Variants in KLK6 observed in about 807,000 individuals in gnomAD.
KLK6 encodes the protein kallikrein-6.
A neutral mutation model predicts 21.7 loss-of-function variants in KLK6; 16 were observed. The observed-to-expected ratio is 0.74, with a 90% CI of 0.50 to 1.12. The LOEUF is 1.12. Among genes scored for constraint, KLK6 ranks in the 50% most tolerant of loss-of-function variants. KLK6 has a pLI of 0.00. For missense variants in KLK6, 276 were observed against 304.6 expected, an observed-to-expected ratio of 0.91 and a Z score of 0.70; for synonymous variants, 116 against 120.1, an observed-to-expected ratio of 0.97 and a Z score of 0.22.
At chr19:50,969,381 A>G (rs1296275256) in intron 1 of KLK6, 109 bp downstream of exon 1, 1 of 152,240 alleles carries the variant, frequency 6.6e-6, no homozygotes, top group East Asian at 1.9e-4. Flanking sequence ...CACCCCCAGC[A>G]CTCTCTGTGC....
At chr19:50,966,213 C>G (rs557053649) in intron 4 of KLK6, among the ~76,000 whole-genome samples, 2 of 152,162 alleles carry the variant, frequency 1.3e-5, no homozygotes, top group Non-Finnish European at 2.9e-5. Context: ...TTCTCTTTCC[C>G]TCTCCCACAA....
intron 4 of KLK6, among the ~76,000 whole-genome samples, chr19:50,966,269 C>T (rs1399950743): frequency 1.3e-5 from 2 of 152,186 alleles, no homozygotes; most frequent in East Asian, 3.9e-4. Flanking sequence ...AGGACAAATA[C>T]ACGGAAGCCA....
At chr19:50,967,966 C>T (rs1265667444) in intron 3 of KLK6, 99 bp downstream of exon 3, 21 of 1,104,680 alleles carry the variant, frequency 1.9e-5, no homozygotes, top group Non-Finnish European at 2.5e-5. Context: ...TCCCCCACCC[C>T]AACCCTGTGC....
At chr19:50,964,718 A>T (rs948717051) in intron 4 of KLK6, among the ~76,000 whole-genome samples, 7 of 152,204 alleles carry the variant, frequency 4.6e-5, no homozygotes, top group African/African-American at 1.7e-4. Context: ...TATTCCTGAA[A>T]CAGAGAGTCA....
intron 3 of KLK6, 87 bp downstream of exon 3, chr19:50,967,978 T>G: frequency 1.0e-6 from 1 of 955,022 alleles, no homozygotes; most frequent in Non-Finnish European, 1.6e-6. Context: ...ACCCTGTGCA[T>G]ATCCCCATCC....
In KLK6 at chr19:50,958,984, G is replaced by C. The variant is rs560544207; in HGVS notation, c.*180C>G. ...GTCCTCACTCATCACGTCCTCCCCA[G>C]TGATGCAAGGATGGAGCTGGGGTAA... On this transcript the variant is annotated 3_prime_UTR_variant, in exon 7 of 7. Coordinates refer to ENST00000310157, the MANE Select transcript of KLK6 (RefSeq NM_002774.4). 1 of 665,202 alleles carries C rather than the reference G, an allele frequency of 1.5e-6. No homozygotes were observed. The highest frequency in any genetic ancestry group is 2.7e-5 in the East Asian group (1 of 37,606). 41.2% of individuals were successfully genotyped at this position (665,202 alleles called of 1,614,324 possible).
chr19:50,967,910 T>G (rs2090952945), intron 3 of KLK6, among the ~76,000 whole-genome samples, 155 bp downstream of exon 3: 1 of 146,260 alleles, frequency 6.8e-6, no homozygotes, highest in Admixed American at 6.8e-5. Context: ...CCTATCTGTA[T>G]TCCCCACCCT....
chr19:50,962,684 TCC>T (rs2090862339), intron 5 of KLK6: 1 of 153,386 alleles, frequency 6.5e-6, no homozygotes, highest in South Asian at 2.0e-4. Flanking sequence ...TGCCGCATCC[TCC>T]CCCATTGTCT....
intron 4 of KLK6, among the ~76,000 whole-genome samples, chr19:50,965,115 A>G (rs1260826970): frequency 6.6e-6 from 1 of 151,924 alleles, no homozygotes; most frequent in Non-Finnish European, 1.5e-5. Flanking sequence ...TGTTTTTTTG[A>G]GACAGGGTCT....
intron 6 of KLK6, among the ~76,000 whole-genome samples, chr19:50,960,008 AGAGGAGAAG>A (rs2090805114): frequency 2.4e-5 from 1 of 41,016 alleles, no homozygotes; most frequent in African/African-American, 2.4e-4. Flanking sequence ...AGGAGAAGGA[AGAGGAGAAG>A]GAGGAGGAGG....
Position 50,968,600 on chromosome 19 carries a change from C to CAGAAAGAGGCAGAAAGAGACA in KLK6, c.-59-10_-59-9insTGTCTCTTTCTGCCTCTTTCT, listed in dbSNP as rs1315348672. On this transcript the variant is annotated splice_polypyrimidine_tract_variant and intron_variant, in intron 1 of 6. Coordinates refer to ENST00000310157, the MANE Select transcript of KLK6 (RefSeq NM_002774.4). ...GTCGGGGGAAGGAACAGCTTTGAGA[C>CAGAAAGAGGCAGAAAGAGACA]GAGGAGGCAGAAAGAGTTAGAAATG... The CAGAAAGAGGCAGAAAGAGACA allele has an allele frequency of 1.2e-5, 2 of 170,942 alleles. No homozygotes were observed. The highest frequency in any genetic ancestry group is 4.9e-5 in the African/African-American group (2 of 41,220). The allele number at this position is 170,942 out of a possible 1,614,324, so 10.6% of individuals were successfully genotyped here. A position where few individuals can be genotyped will look rare whatever the true frequency, so the allele number is the denominator to read the frequency against.
chr19:50,960,730 C>G (rs975396039), intron 6 of KLK6, among the ~76,000 whole-genome samples: 1 of 152,042 alleles, frequency 6.6e-6, no homozygotes, highest in Non-Finnish European at 1.5e-5. Flanking sequence ...GTAGCTGGGA[C>G]TACAGGTGTG....
intron 6 of KLK6, among the ~76,000 whole-genome samples, chr19:50,959,999 G>T (rs1399369662): frequency 9.0e-6 from 1 of 110,834 alleles, no homozygotes; most frequent in Non-Finnish European, 1.9e-5. Context: ...AGGAGGAAGA[G>T]GAGAAGGAAG....
chr19:50,967,169 G>A lies in KLK6; in HGVS notation c.197C>T (p.Pro66Leu), dbSNP rs1036753361. ...WVLTAAHCKKPNLQVFLGKHN... is the reference protein window; with the variant it reads ...WVLTAAHCKKLNLQVFLGKHN... The stretch of plus-strand genomic sequence containing the variant: ...CTGTTCATTTACAGTGTAGACTCAC[G>A]GTTTTTTGCAGTGGGCAGCTGTGAG... The change falls in exon 4 of 7, where the codon CCG becomes CTG. Residue 66 changes from proline (P) to leucine (L), a missense_variant and splice_region_variant. Physicochemically the swap from Pro to Leu is moderately conservative, Grantham distance 98 (BLOSUM62 -3). Coordinates refer to ENST00000310157, the MANE Select transcript of KLK6 (RefSeq NM_002774.4). 3.1e-6 allele frequency: 5 copies of A among 1,613,764 alleles called. No individual in the cohort carries two copies. Among genetic ancestry groups the A allele is most frequent in the Non-Finnish European group, 4.2e-6 (5 of 1,179,970 alleles).
intron 3 of KLK6, 92 bp downstream of exon 3, chr19:50,967,973 G>T: frequency 9.1e-7 from 1 of 1,102,516 alleles, no homozygotes; most frequent in Non-Finnish European, 1.4e-6. Context: ...CCCCAACCCT[G>T]TGCATATCCC....
intron 6 of KLK6, 32 bp downstream of exon 6, chr19:50,961,712 G>C (rs1456370046): frequency 6.2e-7 from 1 of 1,607,152 alleles, no homozygotes; most frequent in Non-Finnish European, 8.5e-7. Context: ...CCTGTCCCTG[G>C]CTGTGTAAGT....
Position 50,963,345 on chromosome 19 carries a change from G to A in KLK6, c.402C>T (p.Asn134=). The A allele has an allele frequency of 4.3e-6, 7 of 1,614,152 alleles. No homozygotes were observed. Among genetic ancestry groups the A allele is most frequent in the Admixed American group, 1.7e-5 (1 of 60,022 alleles). ...PLPLERDCSA[N]TTSCHILGWG... ...AGCCCAGGATGTGGCAGCTGGTGGT[G>A]TTGGCTGAGCAGTCCCTCTCCAGGG... Residue 134 remains asparagine, a synonymous_variant, in exon 5 of 7, where the codon AAC becomes AAT. Transcript: ENST00000310157.
Position 50,967,286 on chromosome 19 carries a change from G to T in KLK6, c.80C>A (p.Pro27His), listed in dbSNP as rs201586262. 109 of 1,613,618 alleles carry T rather than the reference G, an allele frequency of 6.8e-5. No homozygotes were observed. The East Asian group carries it at 2.3e-3, about 35-fold the overall frequency. ...GTAGGGGTGAGATGTCTTGTCGCAGGGTCCGCCATGCACCAACTTATTCTG... is the reference window on the plus strand; with the variant it reads ...GTAGGGGTGAGATGTCTTGTCGCAGTGTCCGCCATGCACCAACTTATTCTG... Reference protein sequence around the residue: ...EEQNKLVHGGPCDKTSHPYQA... With the variant: ...EEQNKLVHGGHCDKTSHPYQA... The change falls in exon 4 of 7, where the codon CCC becomes CAC. Residue 27 changes from proline to histidine, a missense_variant. By Grantham distance (77) the Pro-to-His change is moderately conservative (BLOSUM62 -2). Coordinates refer to ENST00000310157, the MANE Select transcript of KLK6 (RefSeq NM_002774.4).
At chr19:50,964,452 C>T (rs1198517288) in intron 4 of KLK6, among the ~76,000 whole-genome samples, 1 of 152,170 alleles carries the variant, frequency 6.6e-6, no homozygotes, top group Non-Finnish European at 1.5e-5. Context: ...CTAAATGCTA[C>T]GATGCCATGA....
Sources: gnomAD v4.1 joint callset for allele counts (sites outside exome capture counted in the v4.1 genomes callset) on GRCh38, gnomAD v4.1.1 for gene constraint, MANE v1.5 for transcripts, NCBI Gene and HGNC (gene_info 2026-07-23, HGNC 2026-07-21) for gene names.